The following CRB1 variants were observed in gnomAD, a reference collection of about 807,000 sequenced individuals.
The protein encoded by CRB1 is protein crumbs homolog 1.
Under a neutral mutation model 120.0 loss-of-function variants are expected in CRB1, and 83 were observed. The ratio of observed to expected loss-of-function variants is 0.69; its 90% CI spans 0.58 to 0.83. CRB1 has a LOEUF of 0.83. Ranked by LOEUF, CRB1 falls within the 40% of genes least tolerant of loss-of-function variation. CRB1 has a pLI of 0.00. For synonymous variants in CRB1, 625 were observed against 612.5 expected (o/e 1.02, Z -0.30); for missense variants, 1,699 against 1,687.6 (o/e 1.01, Z -0.12).
chr1:197,467,393 T>C (rs1666796200), intron 11 of CRB1, among the ~76,000 whole-genome samples: 1 of 152,168 alleles, frequency 6.6e-6, no homozygotes, highest in Non-Finnish European at 1.5e-5. Flanking sequence ...CTAAGTATTT[T>C]AGTATCTCTT....
At chr1:197,294,607 A>G (rs6428394) in intron 1 of CRB1, among the ~76,000 whole-genome samples, 24,051 of 152,028 alleles carry the variant, frequency 0.16, 2,133 homozygotes, top group Middle Eastern at 0.24. Flanking sequence ...ACATGCACAC[A>G]TACGTTTATT....
chr1:197,381,755 C>T (rs898222287), intron 5 of CRB1, among the ~76,000 whole-genome samples: 2 of 152,168 alleles, frequency 1.3e-5, no homozygotes, highest in African/African-American at 4.8e-5. Context: ...TGAAAACTTT[C>T]CACATCCACT....
chr1:197,242,820 G>C, the CRB1 span, among the ~76,000 whole-genome samples: 1 of 152,064 alleles, frequency 6.6e-6, no homozygotes, highest in Admixed American at 6.6e-5. Flanking sequence ...TTTTTGGTTG[G>C]TAGGTTATTT....
chr1:197,205,745 G>A, the CRB1 span, among the ~76,000 whole-genome samples: 805 of 152,194 alleles, frequency 5.3e-3, 6 homozygotes, highest in South Asian at 0.02. Flanking sequence ...TTTGGTATTA[G>A]GGTGATACTG....
chr1:197,313,352 G>A (rs977203023), intron 1 of CRB1, among the ~76,000 whole-genome samples: 3 of 152,128 alleles, frequency 2.0e-5, no homozygotes, highest in Non-Finnish European at 4.4e-5. Flanking sequence ...CATTTTTTGG[G>A]TGAATGTGAT....
At chr1:197,388,565 A>G (rs532444584) in intron 5 of CRB1, among the ~76,000 whole-genome samples, 11 of 152,066 alleles carry the variant, frequency 7.2e-5, no homozygotes, top group Non-Finnish European at 1.5e-4. Flanking sequence ...GAAATCAATC[A>G]GCAGTTAAGA....
chr1:197,262,528 CT>C, the CRB1 span, among the ~76,000 whole-genome samples: 1 of 151,782 alleles, frequency 6.6e-6, no homozygotes, highest in Non-Finnish European at 1.5e-5. Context: ...ATTTATTTTT[CT>C]TTTTTAAAAA....
chr1:197,429,068 C>G lies in CRB1; in HGVS notation c.2677-381C>G, dbSNP rs909635096. 1.4e-5 allele frequency: 21 copies of G among 1,491,722 alleles called. No homozygotes were observed. In the African/African-American group the frequency reaches 2.5e-4, roughly 18 times the overall value. 92.4% of individuals were successfully genotyped at this position (1,491,722 alleles called of 1,614,324 possible). A position where few individuals can be genotyped will look rare whatever the true frequency, so the allele number is the denominator to read the frequency against. Reference sequence around the variant, plus strand: ...TTTCGCTTCTGTGTAGGATCTTGGGCAACTGGAAACACCTTCTTTTTATCA... The same window carrying G: ...TTTCGCTTCTGTGTAGGATCTTGGGGAACTGGAAACACCTTCTTTTTATCA... On this transcript the variant is annotated intron_variant, in intron 7 of 11. Transcript: ENST00000367400.
At chr1:197,337,905 T>C (rs1034441360) in intron 2 of CRB1, among the ~76,000 whole-genome samples, 1 of 152,074 alleles carries the variant, frequency 6.6e-6, no homozygotes, top group African/African-American at 2.4e-5. Context: ...TTTAACAATT[T>C]CATATATTTA....
chr1:197,242,971 A>G, the CRB1 span, among the ~76,000 whole-genome samples: 2 of 151,992 alleles, frequency 1.3e-5, no homozygotes, highest in Non-Finnish European at 1.5e-5. Flanking sequence ...AGAGGTGTTT[A>G]TAGTATTCTC....
chr1:197,404,335 G>A (rs1241134338), intron 5 of CRB1, among the ~76,000 whole-genome samples: 1 of 151,496 alleles, frequency 6.6e-6, no homozygotes, highest in African/African-American at 2.4e-5. Context: ...CCAGCTACTC[G>A]GGAGGCTGAG....
chr1:197,344,663 GGGAAGATTTTACAA>G (rs1195172860), intron 3 of CRB1, among the ~76,000 whole-genome samples, 187 bp downstream of exon 3: 1 of 152,282 alleles, frequency 6.6e-6, no homozygotes, highest in East Asian at 1.9e-4. Context: ...TGTCTCAAGA[GGGAAGATTTTACAA>G]GTCATTCTTG....
At chr1:197,392,585 G>C (rs1250067163) in intron 5 of CRB1, among the ~76,000 whole-genome samples, 1 of 152,064 alleles carries the variant, frequency 6.6e-6, no homozygotes, top group Admixed American at 6.6e-5. Flanking sequence ...CTCAAGAAAA[G>C]ACCCAAGGAA....
chr1:197,361,539 A>C (rs1209262938), intron 5 of CRB1, among the ~76,000 whole-genome samples: 1 of 151,852 alleles, frequency 6.6e-6, no homozygotes, highest in Admixed American at 6.5e-5. Context: ...ATTTCTATAT[A>C]TGTCAATTAG....
chr1:197,357,976 C>T (rs913287012), intron 5 of CRB1: 9 of 152,192 alleles, frequency 5.9e-5, no homozygotes, highest in Admixed American at 5.2e-4. Context: ...CCCTGAACAA[C>T]TTCTATCATG....
intron 5 of CRB1, among the ~76,000 whole-genome samples, chr1:197,400,669 A>G (rs1483431976): frequency 1.3e-5 from 2 of 152,154 alleles, no homozygotes; most frequent in South Asian, 2.1e-4. Context: ...TTTGATGTAC[A>G]AGGTTTCTCA....
At chr1:197,266,715 T>C (rs1028850016), upstream of CRB1, among the ~76,000 whole-genome samples, 5 of 152,196 alleles carry the variant, frequency 3.3e-5, no homozygotes, top group African/African-American at 1.2e-4. Context: ...AACCACTTAT[T>C]TTCTTCGACA....
At chr1:197,344,627 TA>T in intron 3 of CRB1, 151 bp downstream of exon 3, 1 of 729,942 alleles carries the variant, frequency 1.4e-6, no homozygotes, top group African/African-American at 1.7e-5. Flanking sequence ...CAGATTTCAC[TA>T]AAAAGGGTAT....
intron 1 of CRB1, among the ~76,000 whole-genome samples, chr1:197,314,646 C>T (rs1315327558): frequency 6.6e-6 from 1 of 151,980 alleles, no homozygotes; most frequent in Non-Finnish European, 1.5e-5. Context: ...TATGTTTTTT[C>T]CCTGTAAATC....
Sources: allele counts gnomAD v4.1 joint callset (sites outside exome capture counted in the v4.1 genomes callset), GRCh38; gene constraint gnomAD v4.1.1; transcripts MANE v1.5; gene names NCBI Gene and HGNC (gene_info 2026-07-23, HGNC 2026-07-21).